Variants in NFAT5 observed in about 807,000 individuals in gnomAD.
The protein encoded by NFAT5 is nuclear factor of activated T cells 5, also known as nuclear factor of activated T-cells 5.
NFAT5 carries 31 observed loss-of-function variants against 166.5 expected under a neutral mutation model. The observed-to-expected ratio is 0.19, with a 90% CI of 0.14 to 0.25. The LOEUF is 0.25. Ranked by LOEUF, NFAT5 falls within the 10% of genes least tolerant of loss-of-function variation. NFAT5 has a pLI of 1.00. For missense variants in NFAT5, 1,449 were observed against 1,821.8 expected, an observed-to-expected ratio of 0.80 and a Z score of 3.72; for synonymous variants, 612 against 639.7, an observed-to-expected ratio of 0.96 and a Z score of 0.65.
intron 7 of NFAT5, among the ~76,000 whole-genome samples, chr16:69,664,052 A>C (rs936345059): frequency 6.6e-5 from 10 of 152,200 alleles, no homozygotes; most frequent in African/African-American, 2.2e-4. Context: ...CCCTATTTCT[A>C]CCTATCCCAC....
intron 2 of NFAT5, among the ~76,000 whole-genome samples, chr16:69,581,197 C>G (rs769862427): frequency 6.6e-6 from 1 of 152,098 alleles, no homozygotes; most frequent in African/African-American, 2.4e-5. Flanking sequence ...TGTGCCACCA[C>G]GCCAGGCTAA....
chr16:69,574,163 G>T (rs982897447), intron 2 of NFAT5, among the ~76,000 whole-genome samples: 1 of 152,002 alleles, frequency 6.6e-6, no homozygotes. Flanking sequence ...GAGCCACTGC[G>T]CCCGGCCAAA....
chr16:69,578,623 C>A (rs895259914), intron 2 of NFAT5, among the ~76,000 whole-genome samples: 2 of 151,942 alleles, frequency 1.3e-5, no homozygotes, highest in African/African-American at 4.8e-5. Context: ...AGACTTAAGC[C>A]AACAAATAGC....
chr16:69,669,817 C>T (rs1363459283), intron 7 of NFAT5, among the ~76,000 whole-genome samples, 160 bp from the exon 8 acceptor site: 1 of 152,182 alleles, frequency 6.6e-6, no homozygotes, highest in Non-Finnish European at 1.5e-5. Flanking sequence ...GTCAGTAGAG[C>T]AAGAATTATA....
intron 2 of NFAT5, among the ~76,000 whole-genome samples, chr16:69,606,266 C>T (rs1050615103): frequency 6.6e-6 from 1 of 152,088 alleles, no homozygotes; most frequent in African/African-American, 2.4e-5. Flanking sequence ...AGTGTAGAGA[C>T]TGAAGAACTC....
chr16:69,617,697 G>T (rs2034017649), intron 2 of NFAT5, among the ~76,000 whole-genome samples: 1 of 151,712 alleles, frequency 6.6e-6, no homozygotes, highest in Admixed American at 6.6e-5. Context: ...TTGCTGTGTT[G>T]CCTAGGCTGG....
intron 2 of NFAT5, among the ~76,000 whole-genome samples, chr16:69,615,752 T>C (rs1173833970): frequency 1.3e-5 from 2 of 152,282 alleles, no homozygotes; most frequent in Non-Finnish European, 2.9e-5. Flanking sequence ...TTGATTTCCT[T>C]TCATCTTACT....
intron 2 of NFAT5, among the ~76,000 whole-genome samples, chr16:69,620,787 G>A (rs950024046): frequency 2.0e-5 from 3 of 152,248 alleles, no homozygotes; most frequent in Non-Finnish European, 4.4e-5. Context: ...TCCTTGTTAA[G>A]TTTCATCTCC....
rs769540307 is a variant in NFAT5, at chr16:69,693,537, C to T, written c.3712C>T (p.Pro1238Ser). ...QPQVALGSLP[P>S]NPMPQSQQGT... ...TCAGGTGGCCCTGGGCTCCCTTCCA[C>T]CTAATCCAATGCCTCAAAGCCAACA... The change falls in exon 13 of 15, where the codon CCT (proline) becomes TCT (serine). Residue 1238 changes from proline (P) to serine (S), a missense_variant. Physicochemically the swap from Pro to Ser is moderately conservative, Grantham distance 74 (BLOSUM62 -1). Coordinates refer to ENST00000349945, the MANE Select transcript of NFAT5 (RefSeq NM_138713.4). 6 of 1,614,082 alleles carry T rather than the reference C, an allele frequency of 3.7e-6. No homozygotes were observed. The highest frequency in any genetic ancestry group is 2.5e-6 in the Non-Finnish European group (3 of 1,180,050).
rs1567615576 is a variant in NFAT5 at position 69,693,312 on chromosome 16, A to C, written c.3487A>C (p.Ser1163Arg). ...QQSTNIFLSQ[S>R]PMNNLQTNTV... The stretch of plus-strand genomic sequence containing the variant: ...GTCAACCAACATATTTCTTTCCCAG[A>C]GTCCCATGAATAATCTTCAGACTAA... The change falls in exon 13 of 15, where the codon AGT becomes CGT. Residue 1163 changes from serine to arginine, a missense_variant. Physicochemically the swap from Ser to Arg is moderately radical, Grantham distance 110. Transcript: ENST00000349945. 1.2e-6 allele frequency: 2 copies of C among 1,614,204 alleles called. No individual in the cohort carries two copies. The highest frequency in any genetic ancestry group is 1.7e-6 in the Non-Finnish European group (2 of 1,180,034).
At chr16:69,580,376 A>G (rs1334105931) in intron 2 of NFAT5, among the ~76,000 whole-genome samples, 2 of 151,890 alleles carry the variant, frequency 1.3e-5, no homozygotes, top group Non-Finnish European at 2.9e-5. Flanking sequence ...AAAAAATACA[A>G]AAAAATTAGC....
chr16:69,594,335 A>T (rs2032659204), intron 2 of NFAT5, among the ~76,000 whole-genome samples: 1 of 152,258 alleles, frequency 6.6e-6, no homozygotes, highest in African/African-American at 2.4e-5. Context: ...GTATTTGTGT[A>T]TCTGAACAGA....
At chr16:69,576,612 G>A (rs2016770066) in intron 2 of NFAT5, among the ~76,000 whole-genome samples, 1 of 152,146 alleles carries the variant, frequency 6.6e-6, no homozygotes, top group Non-Finnish European at 1.5e-5. Context: ...GCTCACGCCT[G>A]TAATCCCAGC....
rs910674145 is a variant in NFAT5, at chr16:69,580,904, C to T, written c.127+12356C>T. On this transcript the variant is annotated intron_variant, in intron 2 of 14. Coordinates refer to ENST00000349945, the MANE Select transcript of NFAT5 (RefSeq NM_138713.4). ...TCTCCTGAACTCTTGATCCGCCCACCTCGGCCTCCCGGAGAGCTGGGATTA... is the reference window on the plus strand; with the variant it reads ...TCTCCTGAACTCTTGATCCGCCCACTTCGGCCTCCCGGAGAGCTGGGATTA... 3.3e-5 allele frequency among the ~76,000 whole-genome samples: 5 copies of T among 152,210 alleles called. No individual in the cohort carries two copies. In the East Asian group the frequency reaches 9.8e-4, roughly 30 times the overall value.
At position 69,568,485 on chromosome 16, in the gene NFAT5, T is replaced by C; in HGVS notation, c.74-10T>C. ...CATAAAAAGTACCTAATGCTTTTTG[T>C]GTTTTTCAGATTCTCTGAAGTTACA... On this transcript the variant is annotated splice_polypyrimidine_tract_variant and intron_variant, in intron 1 of 14. Coordinates refer to ENST00000349945, the MANE Select transcript of NFAT5 (RefSeq NM_138713.4). 1 of 1,612,232 alleles carries C rather than the reference T, an allele frequency of 6.2e-7. No homozygotes were observed. Among genetic ancestry groups the C allele is most frequent in the Non-Finnish European group, 8.5e-7 (1 of 1,179,174 alleles).
intron 9 of NFAT5, among the ~76,000 whole-genome samples, chr16:69,674,526 T>C (rs990778653): frequency 1.3e-5 from 2 of 151,906 alleles, no homozygotes; most frequent in Non-Finnish European, 2.9e-5. Flanking sequence ...CAGGGGAAGA[T>C]GGTATAAATG....
intron 2 of NFAT5, among the ~76,000 whole-genome samples, chr16:69,571,763 A>G (rs1188765764): frequency 6.6e-6 from 1 of 151,042 alleles, no homozygotes; most frequent in East Asian, 1.9e-4. Flanking sequence ...ATTATTTATT[A>G]TTATTATTTT....
intron 2 of NFAT5, among the ~76,000 whole-genome samples, chr16:69,609,116 G>A (rs1187483350): frequency 2.7e-5 from 4 of 149,538 alleles, no homozygotes; most frequent in Admixed American, 6.6e-5. Flanking sequence ...GTGAGACTCC[G>A]CCTCAAAAAA....
intron 2 of NFAT5, among the ~76,000 whole-genome samples, chr16:69,573,650 C>T (rs2016569334): frequency 1.3e-5 from 2 of 151,956 alleles, no homozygotes; most frequent in Non-Finnish European, 2.9e-5. Context: ...GTTTTTGTGT[C>T]CCTTCCTAAA....
Sources: gnomAD v4.1 joint callset for allele counts (sites outside exome capture counted in the v4.1 genomes callset) on GRCh38, gnomAD v4.1.1 for gene constraint, MANE v1.5 for transcripts, NCBI Gene and HGNC (gene_info 2026-07-23, HGNC 2026-07-21) for gene names.